PDGFRA: variants seen among roughly 807,000 people sequenced by gnomAD.
PDGFRA encodes the protein platelet derived growth factor receptor alpha.
PDGFRA carries 25 observed loss-of-function variants against 121.5 expected under a neutral mutation model. That is an observed-to-expected ratio of 0.21 (90% CI 0.15 to 0.29). The LOEUF (loss-of-function observed/expected upper bound fraction) is 0.29. Ranked by LOEUF, PDGFRA falls within the 10% of genes least tolerant of loss-of-function variation. PDGFRA has a pLI of 1.00. For missense variants in PDGFRA, 1,008 were observed against 1,345.1 expected (o/e 0.75, Z 3.92); for synonymous variants, 463 against 494.8 (o/e 0.94, Z 0.85).
At chr4:54,293,132 T>C (rs7692478) in intron 22 of PDGFRA, among the ~76,000 whole-genome samples, 151,925 of 152,322 alleles carry the variant, frequency 1, 75,766 homozygotes, top group Middle Eastern at 1. Context: ...GTTCACTATG[T>C]CTCTATTTTT....
chr4:54,257,378 T>C (rs1409778027), intron 1 of PDGFRA, among the ~76,000 whole-genome samples: 1 of 152,230 alleles, frequency 6.6e-6, no homozygotes, highest in Non-Finnish European at 1.5e-5. Context: ...GTTCTGCCTA[T>C]GGAGTAGCCA....
At chr4:54,288,958 AG>A (rs1724493670) in intron 20 of PDGFRA, 50 bp from the exon 21 acceptor site, 1 of 1,503,976 alleles carries the variant, frequency 6.6e-7, no homozygotes, top group Non-Finnish European at 9.3e-7. Context: ...AGGGGGAGGG[AG>A]GGGCCCTGAG....
chr4:54,239,278 C>T (rs1004283351), intron 1 of PDGFRA, among the ~76,000 whole-genome samples: 3 of 152,198 alleles, frequency 2.0e-5, no homozygotes, highest in South Asian at 2.1e-4. Context: ...GCTTGTTGAG[C>T]GTATAATCAA....
intron 1 of PDGFRA, among the ~76,000 whole-genome samples, chr4:54,245,609 A>T (rs1721600118): frequency 6.6e-6 from 1 of 152,242 alleles, no homozygotes; most frequent in Non-Finnish European, 1.5e-5. Flanking sequence ...CTGCAAAATC[A>T]TGCCAAATTG....
rs2110336965 is a variant in PDGFRA, at chr4:54,285,769, C to A, written c.2440-72C>A. On this transcript the variant is annotated intron_variant, in intron 17 of 22. Coordinates refer to ENST00000257290, the MANE Select transcript of PDGFRA (RefSeq NM_006206.6). ...GCTCCAAGTGCCACCATGGATCAGCCAGTCTTGCAGGGGTGATGCTATTCA... is the reference window on the plus strand; with the variant it reads ...GCTCCAAGTGCCACCATGGATCAGCAAGTCTTGCAGGGGTGATGCTATTCA... The A allele has an allele frequency of 3.3e-6, 5 of 1,496,952 alleles. No homozygotes were observed. In the South Asian group the frequency reaches 4.6e-5, roughly 14 times the overall value. 92.7% of individuals were successfully genotyped at this position (1,496,952 alleles called of 1,614,324 possible).
intron 12 of PDGFRA, 63 bp from the exon 13 acceptor site, chr4:54,277,325 C>G: frequency 9.1e-7 from 1 of 1,095,434 alleles, no homozygotes; most frequent in Non-Finnish European, 1.4e-6. Context: ...GAGCTGGCTA[C>G]GGTGCAGAAA....
Position 54,251,020 on chromosome 4 carries a change from G to A in PDGFRA, c.-12-7737G>A, listed in dbSNP as rs192878588. Among the ~76,000 whole-genome samples, 308 of 143,614 alleles carry A rather than the reference G, an allele frequency of 2.1e-3. 4 individuals carry two copies. The highest frequency in any genetic ancestry group is 0.016 in the Admixed American group (223 of 13,604). 94.2% of individuals were successfully genotyped at this position (143,614 alleles called of 152,430 possible). Reference sequence around the variant, plus strand: ...GCAGAGGTTGCAGTGAGCTGAGATCGCACCATTGCATTCCAGCCTGGGCAA... The same window carrying A: ...GCAGAGGTTGCAGTGAGCTGAGATCACACCATTGCATTCCAGCCTGGGCAA... On this transcript the variant is annotated intron_variant, in intron 1 of 22. Transcript: ENST00000257290.
Position 54,297,970 on chromosome 4 carries a change from T to TCACTGC in PDGFRA, c.*2700_*2705dup. The TCACTGC allele has an allele frequency of 4.3e-6, 1 of 232,402 alleles. No individual in the cohort carries two copies. Among genetic ancestry groups the TCACTGC allele is most frequent in the Non-Finnish European group, 8.5e-6 (1 of 117,270 alleles). The allele number at this position is 232,402 out of a possible 1,614,324, so 14.4% of individuals were successfully genotyped here. A position where few individuals can be genotyped will look rare whatever the true frequency, so the allele number is the denominator to read the frequency against. On this transcript the variant is annotated 3_prime_UTR_variant, in exon 23 of 23. Transcript: ENST00000257290. ...GCCAAAACATTTATGACAAGCTGTA[T>TCACTGC]CACTGCCTTCGTTTATATTTTTTTA...
intron 1 of PDGFRA, among the ~76,000 whole-genome samples, chr4:54,258,364 A>G (rs1304405129): frequency 1.3e-5 from 2 of 152,190 alleles, no homozygotes; most frequent in Admixed American, 6.6e-5. Flanking sequence ...CCCCAACCCA[A>G]GCAACTTTTC....
At chr4:54,259,832 A>C (rs1722588777) in intron 2 of PDGFRA, among the ~76,000 whole-genome samples, 1 of 152,216 alleles carries the variant, frequency 6.6e-6, no homozygotes, top group South Asian at 2.1e-4. Flanking sequence ...CCAGGTTCCA[A>C]GGGAGATTAC....
chr4:54,260,431 CAG>C (rs1171506592), intron 2 of PDGFRA, among the ~76,000 whole-genome samples: 1 of 103,656 alleles, frequency 9.6e-6, no homozygotes, highest in African/African-American at 4.2e-5. Context: ...TTTTTTGAGA[CAG>C]GGTCTCTCGC....
At chr4:54,275,332 A>G (rs1013113827) in intron 12 of PDGFRA, among the ~76,000 whole-genome samples, 1 of 152,212 alleles carries the variant, frequency 6.6e-6, no homozygotes, top group African/African-American at 2.4e-5. Flanking sequence ...GAGGACAACC[A>G]CAAAATGTAT....
intron 7 of PDGFRA, among the ~76,000 whole-genome samples, chr4:54,270,177 G>C (rs772989689): frequency 6.6e-6 from 1 of 152,032 alleles, no homozygotes; most frequent in Non-Finnish European, 1.5e-5. Flanking sequence ...CCTGCAGACC[G>C]CTACATACAA....
At chr4:54,278,993 GA>G (rs1723915778) in intron 15 of PDGFRA, 18 of 387,042 alleles carry the variant, frequency 4.7e-5, no homozygotes, top group South Asian at 3.4e-4. Flanking sequence ...TGTAAGATCA[GA>G]AAGTACAATG....
rs200660844 is a variant in PDGFRA at position 54,278,344 on chromosome 4, C to T, written c.2003-18C>T. ...CTTCATTTTCATACCCATCTCCTAA[C>T]GGCTTTTGTCCCCATAGGCCCCATT... On this transcript the variant is annotated intron_variant, in intron 14 of 22. Coordinates refer to ENST00000257290, the MANE Select transcript of PDGFRA (RefSeq NM_006206.6). 1.3e-4 allele frequency: 202 copies of T among 1,608,586 alleles called. No homozygotes were observed. In the East Asian group the frequency reaches 1.3e-3, roughly 10 times the overall value.
chr4:54,280,523 A>G (rs1197438089), intron 16 of PDGFRA, 41 bp downstream of exon 16: 3 of 1,518,916 alleles, frequency 2.0e-6, no homozygotes, highest in African/African-American at 2.7e-5. Context: ...GGGACTTTCC[A>G]GTGGTTTAAT....
At chr4:54,252,223 A>G (rs531034424) in intron 1 of PDGFRA, among the ~76,000 whole-genome samples, 55 of 152,240 alleles carry the variant, frequency 3.6e-4, no homozygotes, top group African/African-American at 1.2e-3. Context: ...GTGACCCCAT[A>G]TCAGCTTGGT....
At chr4:54,270,942 C>T (rs746636442) in intron 8 of PDGFRA, among the ~76,000 whole-genome samples, 194 bp downstream of exon 8, 1 of 152,108 alleles carries the variant, frequency 6.6e-6, no homozygotes, top group Non-Finnish European at 1.5e-5. Context: ...CTGGGTTACT[C>T]TAGAGTAGGC....
chr4:54,240,708 G>T (rs1721253209), intron 1 of PDGFRA, among the ~76,000 whole-genome samples: 1 of 152,204 alleles, frequency 6.6e-6, no homozygotes, highest in Non-Finnish European at 1.5e-5. Flanking sequence ...TTAGACAAAG[G>T]GACAGTGGTG....
Sources: gnomAD v4.1 joint callset for allele counts (sites outside exome capture counted in the v4.1 genomes callset) on GRCh38, gnomAD v4.1.1 for gene constraint, MANE v1.5 for transcripts, NCBI Gene and HGNC (gene_info 2026-07-23, HGNC 2026-07-21) for gene names.